The following KANK1 variants were observed in gnomAD, a reference collection of about 807,000 sequenced individuals.
KANK1 encodes the protein KN motif and ankyrin repeat domains 1, also known as KN motif and ankyrin repeat domain-containing protein 1.
Under a neutral mutation model 106.2 loss-of-function variants are expected in KANK1, and 109 were observed. The observed-to-expected ratio is 1.03, with a 90% CI of 0.88 to 1.20. The LOEUF (loss-of-function observed/expected upper bound fraction) is 1.20, where lower values mean the gene tolerates loss of function less well. Ranked by LOEUF, KANK1 falls within the 50% of genes most tolerant of loss-of-function variation. The probability of loss-of-function intolerance (pLI) is 0.00; values close to 1 mark genes in which losing one functional copy is unlikely to be tolerated. For missense variants in KANK1, 2,399 were observed against 1,710.7 expected (o/e 1.40, Z -7.10); for synonymous variants, 873 against 652.2 (o/e 1.34, Z -5.16).
chr9:616,286 C>T (rs1831808824), intron 1 of KANK1, among the ~76,000 whole-genome samples: 1 of 152,140 alleles, frequency 6.6e-6, no homozygotes, highest in Admixed American at 6.5e-5. Flanking sequence ...TTCAGTGAGT[C>T]CTCAGCATTT....
intron 1 of KANK1, among the ~76,000 whole-genome samples, chr9:521,524 C>G (rs1409798953): frequency 6.7e-6 from 1 of 149,862 alleles, no homozygotes; most frequent in African/African-American, 2.5e-5. Context: ...TCATCAAACA[C>G]TGGGCACTTG....
intron 1 of KANK1, among the ~76,000 whole-genome samples, chr9:514,722 G>T (rs1212161834): frequency 1.3e-5 from 2 of 151,632 alleles, no homozygotes; most frequent in Non-Finnish European, 2.9e-5. Context: ...TCTAGTTTTG[G>T]ACCAGTATGA....
At chr9:706,374 G>C (rs1037564871) in intron 2 of KANK1, among the ~76,000 whole-genome samples, 2 of 152,164 alleles carry the variant, frequency 1.3e-5, no homozygotes, top group African/African-American at 4.8e-5. Context: ...GACCAGTTAG[G>C]TTTTGGTAAA....
chr9:650,566 G>C (rs931200514), intron 1 of KANK1, among the ~76,000 whole-genome samples: 5 of 152,124 alleles, frequency 3.3e-5, no homozygotes, highest in Non-Finnish European at 5.9e-5. Flanking sequence ...CAGGTTGTCA[G>C]GAAGTGTGTG....
rs1837038953 is a variant in KANK1 at position 745,900 on chromosome 9, A to G, written c.*665A>G. On this transcript the variant is annotated 3_prime_UTR_variant, in exon 12 of 12. Transcript: ENST00000382297. ...AACTACACGTAACATCATCATTTGT[A>G]TTAATTGCACAACTCCAATGCTAAA... is the stretch of plus-strand genomic sequence containing the variant. The G allele has an allele frequency of 6.6e-6, 1 of 152,654 alleles. No individual in the cohort carries two copies. The highest frequency in any genetic ancestry group is 2.4e-5 in the African/African-American group (1 of 41,454). 9.5% of individuals were successfully genotyped at this position (152,654 alleles called of 1,614,324 possible).
At position 650,010 on chromosome 9, in the gene KANK1, A is replaced by G. The variant is rs115128227; in HGVS notation, c.-83-26880A>G. Among the ~76,000 whole-genome samples, 791 of 152,346 alleles carry G rather than the reference A, an allele frequency of 5.2e-3. 14 individuals are homozygous for G. Among genetic ancestry groups the G allele is most frequent in the African/African-American group, 0.018 (753 of 41,562 alleles). ...CCTGTGTTTTTCTGAGCAGAGGGAAAGGTGCTACTTCGTAAGACTGCTTGC... is the reference window on the plus strand; with the variant it reads ...CCTGTGTTTTTCTGAGCAGAGGGAAGGGTGCTACTTCGTAAGACTGCTTGC... On this transcript the variant is annotated intron_variant, in intron 1 of 11. Coordinates refer to ENST00000382297, the MANE Select transcript of KANK1 (RefSeq NM_015158.5).
chr9:725,349 C>T (rs1408459935), intron 3 of KANK1, among the ~76,000 whole-genome samples: 4 of 151,898 alleles, frequency 2.6e-5, no homozygotes, highest in Admixed American at 6.6e-5. Context: ...AAAAATTAGC[C>T]AGGCATGGTT....
chr9:734,837 T>A lies in KANK1; in HGVS notation c.3333+2T>A. 1 of 1,609,174 alleles carries A rather than the reference T, an allele frequency of 6.2e-7. No individual in the cohort carries two copies. The highest frequency in any genetic ancestry group is 8.5e-7 in the Non-Finnish European group (1 of 1,175,454). On this transcript the variant is annotated splice_donor_variant, in intron 7 of 11. Coordinates refer to ENST00000382297, the MANE Select transcript of KANK1 (RefSeq NM_015158.5). LOFTEE classifies it high-confidence loss of function. ...AAAGCTTTGACCAGCAAAGATATGG[T>A]GAGTCTGACCTGCAAACACCATCCC... is the stretch of plus-strand genomic sequence containing the variant.
At chr9:704,205 A>G (rs1823420866) in intron 2 of KANK1, among the ~76,000 whole-genome samples, 1 of 152,246 alleles carries the variant, frequency 6.6e-6, no homozygotes, top group Non-Finnish European at 1.5e-5. Context: ...GACCCAAAAC[A>G]AACGATAGCT....
At chr9:609,099 C>T (rs141140069) in intron 1 of KANK1, among the ~76,000 whole-genome samples, 42 of 151,818 alleles carry the variant, frequency 2.8e-4, no homozygotes, top group African/African-American at 9.5e-4. Context: ...GACCCCTAAC[C>T]CTTCAGAAAG....
intron 1 of KANK1, among the ~76,000 whole-genome samples, chr9:633,796 G>A (rs925573167): frequency 6.6e-6 from 1 of 152,132 alleles, no homozygotes; most frequent in Non-Finnish European, 1.5e-5. Flanking sequence ...GAGATTACAA[G>A]CACATGCCAC....
rs59879158 is a variant in KANK1 at position 662,553 on chromosome 9, C to CCTG, written c.-83-14337_-83-14336insCTG. Reference sequence around the variant, plus strand: ...CTACAACCATCTGATCTTTGACAAACACAAGAAATGAAGAAAGCATTCCCT... The same window carrying CCTG: ...CTACAACCATCTGATCTTTGACAAACCTGACAAGAAATGAAGAAAGCATTCCCT... On this transcript the variant is annotated intron_variant, in intron 1 of 11. Coordinates refer to ENST00000382297, the MANE Select transcript of KANK1 (RefSeq NM_015158.5). 2.0e-5 allele frequency among the ~76,000 whole-genome samples: 3 copies of CCTG among 151,758 alleles called. No homozygotes were observed. The South Asian group carries it at 6.2e-4, about 32-fold the overall frequency.
In KANK1 at chr9:727,679, C is replaced by CGTGT. The variant is rs1564092313; in HGVS notation, c.2699-2372_2699-2371insGTGT. On this transcript the variant is annotated intron_variant, in intron 3 of 11. Transcript: ENST00000382297. ...TTTAGCACAGAGTCAGATAACTTTT[C>CGTGT]ATGTGTGTGTGTGTGTGTGTGTGTG... Among the ~76,000 whole-genome samples the CGTGT allele has an allele frequency of 1.6e-3, 196 of 121,902 alleles. 2 individuals carry two copies. The highest frequency in any genetic ancestry group is 5.7e-3 in the South Asian group (22 of 3,888). The allele number at this position is 121,902 out of a possible 152,430, so 80.0% of individuals were successfully genotyped here.
Position 504,727 on chromosome 9 carries a change from G to C in KANK1, c.-111G>C, listed in dbSNP as rs1380483396. 6.7e-6 allele frequency: 1 copy of C among 149,262 alleles called. No homozygotes were observed. Among genetic ancestry groups the C allele is most frequent in the Non-Finnish European group, 1.5e-5 (1 of 67,388 alleles). The allele number at this position is 149,262 out of a possible 1,614,324, so 9.2% of individuals were successfully genotyped here. A position where few individuals can be genotyped will look rare whatever the true frequency, so the allele number is the denominator to read the frequency against. On this transcript the variant is annotated 5_prime_UTR_variant, in exon 1 of 12. Transcript: ENST00000382297. ...GGGTCCGCGGCGGAGCGAGCGAGCG[G>C]CCGGCAGGTTGGGAGGAGCGGCCGA... is the stretch of plus-strand genomic sequence containing the variant.
intron 1 of KANK1, among the ~76,000 whole-genome samples, chr9:635,715 T>TTTTTTG (rs1488932154): frequency 6.8e-6 from 1 of 146,088 alleles, no homozygotes; most frequent in Non-Finnish European, 1.5e-5. Flanking sequence ...TTTTTTTTTT[T>TTTTTTG]TGAGACGGAG....
At chr9:608,724 T>A (rs1829894751) in intron 1 of KANK1, among the ~76,000 whole-genome samples, 1 of 152,048 alleles carries the variant, frequency 6.6e-6, no homozygotes, top group Non-Finnish European at 1.5e-5. Flanking sequence ...GTTATTAGGG[T>A]GTGGCTGACG....
intron 1 of KANK1, among the ~76,000 whole-genome samples, chr9:615,056 C>T (rs954343478): frequency 4.0e-5 from 6 of 151,480 alleles, no homozygotes; most frequent in Non-Finnish European, 8.8e-5. Flanking sequence ...TTCTCTTACT[C>T]AGCCTTCCGA....
rs768033286 is a variant in KANK1 at position 712,565 on chromosome 9, G to A, written c.1799G>A (p.Cys600Tyr). 2 of 1,614,214 alleles carry A rather than the reference G, an allele frequency of 1.2e-6. No individual in the cohort carries two copies. Among genetic ancestry groups the A allele is most frequent in the East Asian group, 4.5e-5 (2 of 44,884 alleles). ...DKSVSVEVSV[C>Y]ETGSNTEESV... Reference sequence around the variant, plus strand: ...AGTGTGAGTGTGGAAGTCAGCGTCTGCGAAACAGGCAGCAACACAGAGGAG... The same window carrying A: ...AGTGTGAGTGTGGAAGTCAGCGTCTACGAAACAGGCAGCAACACAGAGGAG... Residue 600 changes from cysteine to tyrosine, a missense_variant, in exon 3 of 12, where the codon TGC becomes TAC. Transcript: ENST00000382297.
At chr9:593,335 A>T (rs887882131) in intron 1 of KANK1, among the ~76,000 whole-genome samples, 37 of 151,860 alleles carry the variant, frequency 2.4e-4, no homozygotes, top group African/African-American at 8.8e-4. Flanking sequence ...ACAGACAAAA[A>T]AAGGATTCTT....
Sources: gnomAD v4.1 joint callset for allele counts (sites outside exome capture counted in the v4.1 genomes callset) on GRCh38, gnomAD v4.1.1 for gene constraint, MANE v1.5 for transcripts, NCBI Gene and HGNC (gene_info 2026-07-23, HGNC 2026-07-21) for gene names.